PLK5: variants seen among roughly 807,000 people sequenced by gnomAD.
PLK5 encodes the protein polo like kinase 5 (inactive), also known as inactive serine/threonine-protein kinase PLK5.
In PLK5, 28 loss-of-function variants were observed where a neutral mutation model predicts 33.7. The observed-to-expected ratio is 0.83, with a 90% confidence interval of 0.62 to 1.14. PLK5 has a LOEUF of 1.14. Ranked by LOEUF, PLK5 falls within the 50% of genes most tolerant of loss-of-function variation. The pLI is 0.00. For synonymous variants in PLK5, 225 were observed against 202.2 expected (o/e 1.11, Z -0.96); for missense variants, 492 against 461.5 (o/e 1.07, Z -0.61).
At chr19:1,530,889 A>T (rs1913910011) in intron 11 of PLK5, among the ~76,000 whole-genome samples, 1 of 151,588 alleles carries the variant, frequency 6.6e-6, no homozygotes, top group Admixed American at 6.6e-5. Context: ...AAGTGCTAGG[A>T]TTACAGGTAT....
chr19:1,524,578 T>C lies in PLK5; in HGVS notation c.-544+332T>C, dbSNP rs948054421. ...CGCGTCTGTGCCCGCTGCTTCCAAGTGTCTGGGTGCTGTGCGGTGTTCGTG... is the reference window on the plus strand; with the variant it reads ...CGCGTCTGTGCCCGCTGCTTCCAAGCGTCTGGGTGCTGTGCGGTGTTCGTG... On this transcript the variant is annotated intron_variant, in intron 1 of 13. Transcript: ENST00000454744. The surrounding 1 kb of genome is among the most constrained non-coding windows in gnomAD (Gnocchi z 4.5). Among the ~76,000 whole-genome samples the C allele has an allele frequency of 6.6e-6, 1 of 151,534 alleles. No homozygotes were observed. The highest frequency in any genetic ancestry group is 6.6e-5 in the Admixed American group (1 of 15,208).
At chr19:1,529,183 G>A (rs1184104297) in intron 9 of PLK5, 5 of 641,894 alleles carry the variant, frequency 7.8e-6, no homozygotes, top group Non-Finnish European at 1.1e-5. Flanking sequence ...GGCCGGGCTC[G>A]AGGCCATGGG....
intron 11 of PLK5, among the ~76,000 whole-genome samples, chr19:1,531,473 G>A (rs773354462): frequency 2.6e-5 from 4 of 152,158 alleles, no homozygotes; most frequent in Non-Finnish European, 4.4e-5. Context: ...TATTTTCAGA[G>A]CATTGCAAGT....
intron 12 of PLK5, among the ~76,000 whole-genome samples, chr19:1,532,748 C>G (rs964832850): frequency 2.8e-4 from 43 of 152,074 alleles, no homozygotes; most frequent in African/African-American, 1.0e-3. Flanking sequence ...TCTCGAACTC[C>G]TGACCTCAGG....
rs576783542 is a variant in PLK5 at position 1,535,231 on chromosome 19, G to T, written c.992G>T (p.Arg331Leu). The T allele has an allele frequency of 6.5e-7, 1 of 1,535,596 alleles. No individual in the cohort carries two copies. Among genetic ancestry groups the T allele is most frequent in the Non-Finnish European group, 8.7e-7 (1 of 1,146,678 alleles). Residue 331 changes from arginine (R) to leucine (L), a missense_variant, in exon 14 of 14, where the codon CGC becomes CTC. By Grantham distance (102) the Arg-to-Leu change is moderately radical (BLOSUM62 -2). Coordinates refer to ENST00000454744, the MANE Select transcript of PLK5 (RefSeq NM_001243079.2). ...GGACAGCACCTTCACCACGCCCTCCGCATGCTGCAGAGTATCTAGTGCCCC... is the reference window on the plus strand; with the variant it reads ...GGACAGCACCTTCACCACGCCCTCCTCATGCTGCAGAGTATCTAGTGCCCC... The part of the protein sequence containing the change: ...TTGQHLHHAL[R>L]MLQSI
chr19:1,534,580 C>T (rs2145550190), intron 13 of PLK5, among the ~76,000 whole-genome samples: 1 of 146,796 alleles, frequency 6.8e-6, no homozygotes, highest in Non-Finnish European at 1.5e-5. Context: ...CCGAGGTGGG[C>T]AGATCACGAG....
At chr19:1,535,043 A>C in intron 13 of PLK5, 22 bp from the exon 14 acceptor site, 1 of 1,504,488 alleles carries the variant, frequency 6.6e-7, no homozygotes, top group Non-Finnish European at 8.8e-7. Flanking sequence ...TCTCCCCTTG[A>C]CTGGTATCTT....
chr19:1,526,859 C>G, intron 5 of PLK5, 44 bp from the exon 6 acceptor site: 1 of 1,100,520 alleles, frequency 9.1e-7, no homozygotes, highest in Non-Finnish European at 1.3e-6. Flanking sequence ...AAGTCTGGCA[C>G]GGGGATCCCA....
At position 1,528,081 on chromosome 19, in the gene PLK5, C is replaced by A. The variant is rs1157113650; in HGVS notation, c.148C>A (p.Pro50Thr). The A allele has an allele frequency of 2.6e-6, 4 of 1,535,930 alleles. No homozygotes were observed. Among genetic ancestry groups the A allele is most frequent in the Non-Finnish European group, 3.5e-6 (4 of 1,146,842 alleles). Reference sequence around the variant, plus strand: ...CATCGTGCACCTCCTAGCACCCAACCCGGCCGAGCGGCCCAGCCTGGACCA... The same window carrying A: ...CATCGTGCACCTCCTAGCACCCAACACGGCCGAGCGGCCCAGCCTGGACCA... ...RLIVHLLAPN[P>T]AERPSLDHLL... Residue 50 changes from proline (P) to threonine (T), a missense_variant, in exon 7 of 14, where the codon CCG becomes ACG. Coordinates refer to ENST00000454744, the MANE Select transcript of PLK5 (RefSeq NM_001243079.2).
intron 9 of PLK5, 35 bp from the exon 10 acceptor site, chr19:1,529,371 C>T (rs936490010): frequency 4.8e-5 from 73 of 1,513,278 alleles, no homozygotes; most frequent in Middle Eastern, 3.8e-4. Context: ...GGGCTGGGGC[C>T]GGGGCCACCC....
intron 11 of PLK5, among the ~76,000 whole-genome samples, chr19:1,531,047 T>A (rs144717543): frequency 6.6e-6 from 1 of 151,284 alleles, no homozygotes; most frequent in East Asian, 2.0e-4. Flanking sequence ...GCTGAGATCG[T>A]GCCACTGCAC....
rs766989174 is a variant in PLK5 at position 1,529,504 on chromosome 19, C to G, written c.490+14C>G. 3.3e-6 allele frequency: 5 copies of G among 1,532,800 alleles called. No homozygotes were observed. The highest frequency in any genetic ancestry group is 3.5e-6 in the Non-Finnish European group (4 of 1,144,192). 94.9% of individuals were successfully genotyped at this position (1,532,800 alleles called of 1,614,324 possible). On this transcript the variant is annotated intron_variant, in intron 10 of 13. Transcript: ENST00000454744. ...GTGACCTGGCCGGTGAGCAGATCCCCGTCCCAGCCCGGGGCTGCAGGTGGG... is the reference window on the plus strand; with the variant it reads ...GTGACCTGGCCGGTGAGCAGATCCCGGTCCCAGCCCGGGGCTGCAGGTGGG...
At chr19:1,530,422 C>T (rs1306251886) in intron 11 of PLK5, among the ~76,000 whole-genome samples, 2 of 151,884 alleles carry the variant, frequency 1.3e-5, no homozygotes, top group Non-Finnish European at 2.9e-5. Flanking sequence ...CTTAGCCTCC[C>T]GAGTAGCTGA....
chr19:1,528,188 T>G (rs1913803463), intron 7 of PLK5, 54 bp downstream of exon 7: 4 of 1,529,874 alleles, frequency 2.6e-6, no homozygotes, highest in Admixed American at 2.0e-5. Flanking sequence ...TGGCAGGTGA[T>G]GAGCCAGAGC....
rs1257174611 is a variant in PLK5 at position 1,528,013 on chromosome 19, A to G, written c.80A>G (p.His27Arg). 2.0e-6 allele frequency: 3 copies of G among 1,536,068 alleles called. No homozygotes were observed. The highest frequency in any genetic ancestry group is 2.6e-6 in the Non-Finnish European group (3 of 1,146,862). Reference protein sequence around the residue: ...SEMYQNIREGHYPEPAHLSAN... With the variant: ...SEMYQNIREGRYPEPAHLSAN... ...ATGTACCAAAACATCCGTGAGGGCCACTACCCCGAACCCGCTCACCTGTCT... is the reference window on the plus strand; with the variant it reads ...ATGTACCAAAACATCCGTGAGGGCCGCTACCCCGAACCCGCTCACCTGTCT... The change falls in exon 7 of 14, where the codon CAC becomes CGC. Residue 27 changes from histidine to arginine, a missense_variant. Coordinates refer to ENST00000454744, the MANE Select transcript of PLK5 (RefSeq NM_001243079.2).
chr19:1,526,141 CCCACCTGGGT>C (rs759648283), intron 3 of PLK5, among the ~76,000 whole-genome samples: 2 of 152,190 alleles, frequency 1.3e-5, no homozygotes, highest in Non-Finnish European at 2.9e-5. Flanking sequence ...TAGACCTGAG[CCCACCTGGGT>C]CCACCTGTGC....
intron 8 of PLK5, 90 bp from the exon 9 acceptor site, chr19:1,528,808 C>A: frequency 9.6e-7 from 1 of 1,043,402 alleles, no homozygotes; most frequent in East Asian, 2.7e-5. Flanking sequence ...TCTGTCTCCA[C>A]ATCAGGGGTG....
rs1413363903 is a variant in PLK5 at position 1,524,812 on chromosome 19, T to G, written c.-543-493T>G. 2 of 152,820 alleles carry G rather than the reference T, an allele frequency of 1.3e-5. No homozygotes were observed. Among genetic ancestry groups the G allele is most frequent in the African/African-American group, 2.4e-5 (1 of 41,430 alleles). The allele number at this position is 152,820 out of a possible 1,614,324, so 9.5% of individuals were successfully genotyped here. ...GTTTGTATCTGTGTCTTTGTCCATGTGTTGTACTGTGTGTCCAGGTGTTGT... is the reference window on the plus strand; with the variant it reads ...GTTTGTATCTGTGTCTTTGTCCATGGGTTGTACTGTGTGTCCAGGTGTTGT... On this transcript the variant is annotated intron_variant, in intron 1 of 13. Transcript: ENST00000454744. This position sits in a 1 kb window ranked among gnomAD's most constrained non-coding sequence, Gnocchi z 4.5.
intron 6 of PLK5, among the ~76,000 whole-genome samples, chr19:1,527,527 AG>A (rs1320158098): frequency 3.3e-5 from 5 of 152,046 alleles, no homozygotes; most frequent in African/African-American, 1.2e-4. Context: ...GCTTGAGCTC[AG>A]GAGGTGGAGA....
Sources: allele counts gnomAD v4.1 joint callset (sites outside exome capture counted in the v4.1 genomes callset), GRCh38; gene constraint gnomAD v4.1.1; non-coding constraint Gnocchi (gnomAD v3.1); transcripts MANE v1.5; gene names NCBI Gene and HGNC (gene_info 2026-07-23, HGNC 2026-07-21).